COX7A2: variants seen among roughly 807,000 people sequenced by gnomAD.
The protein encoded by COX7A2 is cytochrome c oxidase subunit 7A2, also known as cytochrome c oxidase subunit 7A2, mitochondrial.
Under a neutral mutation model 11.6 loss-of-function variants are expected in COX7A2, and 11 were observed. That is an observed-to-expected ratio of 0.95 (90% CI 0.60 to 1.57). The LOEUF (loss-of-function observed/expected upper bound fraction) is 1.57. Ranked by LOEUF, COX7A2 falls within the 40% of genes most tolerant of loss-of-function variation. COX7A2 has a pLI of 0.00. For synonymous variants in COX7A2, 30 were observed against 38.2 expected, an observed-to-expected ratio of 0.78 and a Z score of 0.79; for missense variants, 106 against 100.9, an observed-to-expected ratio of 1.05 and a Z score of -0.22.
chr6:75,249,548 T>C (rs113962660), intron 1 of COX7A2, among the ~76,000 whole-genome samples: 1 of 152,234 alleles, frequency 6.6e-6, no homozygotes, highest in African/African-American at 2.4e-5. Flanking sequence ...GTATTCATCA[T>C]CATTGGGTGG....
rs760416390 is a variant in COX7A2 at position 75,243,744 on chromosome 6, T to C, written c.-10A>G. On this transcript the variant is annotated 5_prime_UTR_variant, in exon 1 of 4. Coordinates refer to ENST00000684430, the MANE Select transcript of COX7A2 (RefSeq NM_001366293.2). ...GCAGATTCCGCAGCATCTTGGCTGT[T>C]ACTGACCAGCAACCGCCACAACTGA... is the stretch of plus-strand genomic sequence containing the variant. 2 of 1,613,822 alleles carry C rather than the reference T, an allele frequency of 1.2e-6. No homozygotes were observed. Among genetic ancestry groups the C allele is most frequent in the African/African-American group, 2.7e-5 (2 of 74,900 alleles).
At chr6:75,244,203 A>T (rs1771627679), upstream of COX7A2, among the ~76,000 whole-genome samples, 1 of 152,242 alleles carries the variant, frequency 6.6e-6, no homozygotes, top group African/African-American at 2.4e-5. Flanking sequence ...AATTCAAAAA[A>T]GAATTACTCC....
chr6:75,240,999 A>C, intron 2 of COX7A2, 177 bp downstream of exon 2: 1 of 681,046 alleles, frequency 1.5e-6, no homozygotes, highest in East Asian at 2.9e-5. Flanking sequence ...GCTCTGCTCC[A>C]CCAGGTCTTT....
chr6:75,244,637 C>G (rs549209271), upstream of COX7A2, among the ~76,000 whole-genome samples: 1 of 152,178 alleles, frequency 6.6e-6, no homozygotes, highest in South Asian at 2.1e-4. Flanking sequence ...AAATATCTAC[C>G]CTGTATTACA....
intron 1 of COX7A2, among the ~76,000 whole-genome samples, chr6:75,242,665 C>T (rs886095953): frequency 1.3e-5 from 2 of 151,604 alleles, no homozygotes; most frequent in African/African-American, 4.8e-5. Context: ...ATTAATAATA[C>T]AAAAATTAGT....
upstream of COX7A2, among the ~76,000 whole-genome samples, chr6:75,245,230 G>A (rs532834152): frequency 3.7e-4 from 56 of 152,286 alleles, no homozygotes; most frequent in African/African-American, 1.3e-3. Flanking sequence ...AGTGGCTCAC[G>A]CCTGTAATCC....
rs1437818409 is a variant in COX7A2 at position 75,249,463 on chromosome 6, T to C, written c.-44+593A>G. Among the ~76,000 whole-genome samples, 3 of 152,346 alleles carry C rather than the reference T, an allele frequency of 2.0e-5. No homozygotes were observed. In the East Asian group the frequency reaches 5.8e-4, roughly 29 times the overall value. ...AGATCCTGAATCTGCCATTTAGTGG[T>C]AGTGACATGACTGAACGTAAGATAC... On this transcript the variant is annotated intron_variant, in intron 1 of 4. Transcript: ENST00000370081.
upstream of COX7A2, chr6:75,244,062 A>G (rs1771624973): frequency 2.5e-6 from 1 of 395,998 alleles, no homozygotes; most frequent in Admixed American, 4.0e-5. Flanking sequence ...GATGAAGTCA[A>G]TGTGAGACCA....
chr6:75,242,683 G>C (rs1005056828), intron 1 of COX7A2, among the ~76,000 whole-genome samples: 2 of 152,034 alleles, frequency 1.3e-5, no homozygotes, highest in Admixed American at 6.6e-5. Context: ...AGTAGGGCTT[G>C]GTGGCGAGCG....
intron 1 of COX7A2, among the ~76,000 whole-genome samples, chr6:75,241,639 A>T (rs1771503710): frequency 6.6e-6 from 1 of 152,196 alleles, no homozygotes; most frequent in African/African-American, 2.4e-5. Context: ...TATTTTCATA[A>T]TATACTGCCA....
intron 3 of COX7A2, among the ~76,000 whole-genome samples, chr6:75,239,828 G>A (rs1339451550): frequency 2.0e-5 from 3 of 152,126 alleles, no homozygotes; most frequent in Non-Finnish European, 2.9e-5. Flanking sequence ...AAGGCCAGGC[G>A]CAGTGGCTCA....
At position 75,240,397 on chromosome 6, in the gene COX7A2, A is replaced by AT; in HGVS notation, c.109-13_109-12insA. 2.6e-6 allele frequency: 4 copies of AT among 1,527,588 alleles called. No homozygotes were observed. The highest frequency in any genetic ancestry group is 3.5e-6 in the Non-Finnish European group (4 of 1,137,194). The allele number at this position is 1,527,588 out of a possible 1,614,324, so 94.6% of individuals were successfully genotyped here. A position where few individuals can be genotyped will look rare whatever the true frequency, so the allele number is the denominator to read the frequency against. On this transcript the variant is annotated splice_polypyrimidine_tract_variant and intron_variant, in intron 2 of 3. Coordinates refer to ENST00000684430, the MANE Select transcript of COX7A2 (RefSeq NM_001366293.2). The stretch of plus-strand genomic sequence containing the variant: ...ATTTCATCATCCTCCTAGATTTAAA[A>AT]AAAAAAAAAAAAGACAATAATAAAT...
chr6:75,240,513 T>G, intron 2 of COX7A2, 128 bp from the exon 3 acceptor site: 1 of 604,188 alleles, frequency 1.7e-6, no homozygotes, highest in East Asian at 3.0e-5. Context: ...TTTTAAGTAT[T>G]AAAATTTAAA....
Position 75,241,159 on chromosome 6 carries a change from A to G in COX7A2, c.108+17T>C. ...CTAATAATTACAAGTAACATCTCCTATAAAATACTTCAGTACCTGGAACAG... is the reference window on the plus strand; with the variant it reads ...CTAATAATTACAAGTAACATCTCCTGTAAAATACTTCAGTACCTGGAACAG... On this transcript the variant is annotated intron_variant, in intron 2 of 3. Coordinates refer to ENST00000684430, the MANE Select transcript of COX7A2 (RefSeq NM_001366293.2). 2 of 1,594,840 alleles carry G rather than the reference A, an allele frequency of 1.3e-6. No individual in the cohort carries two copies. The highest frequency in any genetic ancestry group is 1.3e-5 in the African/African-American group (1 of 74,840).
chr6:75,242,450 G>A (rs1167928466), intron 1 of COX7A2, among the ~76,000 whole-genome samples: 1 of 151,998 alleles, frequency 6.6e-6, no homozygotes, highest in Non-Finnish European at 1.5e-5. Context: ...GGTTTGCAGT[G>A]AGCCGAGATT....
chr6:75,247,689 G>A (rs1380876342), upstream of COX7A2, among the ~76,000 whole-genome samples: 1 of 150,508 alleles, frequency 6.6e-6, no homozygotes, highest in East Asian at 2.0e-4. Context: ...ACTAATCTCT[G>A]ATTTTTTTTT....
At chr6:75,247,769 A>G (rs1229155923), upstream of COX7A2, among the ~76,000 whole-genome samples, 2 of 152,094 alleles carry the variant, frequency 1.3e-5, no homozygotes, top group African/African-American at 4.8e-5. Context: ...TTCTCATCAG[A>G]TGGGTTTTAT....
At chr6:75,242,468 T>A (rs1244047966) in intron 1 of COX7A2, among the ~76,000 whole-genome samples, 3 of 151,730 alleles carry the variant, frequency 2.0e-5, no homozygotes, top group Non-Finnish European at 4.4e-5. Flanking sequence ...ATTGCACCAC[T>A]GCACTCCAGC....
chr6:75,246,906 C>A (rs1771691315), upstream of COX7A2, among the ~76,000 whole-genome samples: 1 of 152,228 alleles, frequency 6.6e-6, no homozygotes, highest in Non-Finnish European at 1.5e-5. Context: ...AATTCATCCT[C>A]TGAACCAGAA....
Sources: allele counts gnomAD v4.1 joint callset (sites outside exome capture counted in the v4.1 genomes callset), GRCh38; gene constraint gnomAD v4.1.1; transcripts MANE v1.5; gene names NCBI Gene and HGNC (gene_info 2026-07-23, HGNC 2026-07-21).